RGS7: variants seen among roughly 807,000 people sequenced by gnomAD.
RGS7 encodes the protein regulator of G-protein signaling 7.
Under a neutral mutation model 81.1 loss-of-function variants are expected in RGS7, and 27 were observed. That is an observed-to-expected ratio of 0.33 (90% CI 0.25 to 0.46). RGS7 has a LOEUF of 0.46. Ranked by LOEUF, RGS7 falls within the 20% of genes least tolerant of loss-of-function variation. The pLI is 1.00. For missense variants in RGS7, 396 were observed against 607.4 expected (o/e 0.65, Z 3.66); for synonymous variants, 208 against 207.7 (o/e 1.00, Z -0.01).
At chr1:240,781,331 C>T (rs1416729526) in intron 18 of RGS7, among the ~76,000 whole-genome samples, 4 of 152,220 alleles carry the variant, frequency 2.6e-5, no homozygotes, top group Non-Finnish European at 5.9e-5. Context: ...GTGGACCAGG[C>T]GAGGTGGCTC....
At position 240,776,191 on chromosome 1, in the gene RGS7, C is replaced by T; in HGVS notation, c.*29G>A. Reference sequence around the variant, plus strand: ...GTAAGACTGAGCAAGGCTTGTTAACCTCTTGGACGTGAGAGATTTCCCCTG... The same window carrying T: ...GTAAGACTGAGCAAGGCTTGTTAACTTCTTGGACGTGAGAGATTTCCCCTG... On this transcript the variant is annotated 3_prime_UTR_variant, in exon 19 of 19. Coordinates refer to ENST00000440928, the MANE Select transcript of RGS7 (RefSeq NM_001364886.1). 1 of 1,611,956 alleles carries T rather than the reference C, an allele frequency of 6.2e-7. No homozygotes were observed. Among genetic ancestry groups the T allele is most frequent in the African/African-American group, 1.3e-5 (1 of 74,942 alleles).
At chr1:240,983,371 T>C (rs1027102021) in intron 3 of RGS7, among the ~76,000 whole-genome samples, 1 of 152,150 alleles carries the variant, frequency 6.6e-6, no homozygotes, top group Non-Finnish European at 1.5e-5. Flanking sequence ...TAAATGGAAA[T>C]AAAATTTACT....
At chr1:241,317,403 G>A (rs2080946159) in intron 2 of RGS7, among the ~76,000 whole-genome samples, 1 of 152,214 alleles carries the variant, frequency 6.6e-6, no homozygotes, top group South Asian at 2.1e-4. Context: ...CACCATTGTA[G>A]CTTGGTCTCC....
intron 4 of RGS7, among the ~76,000 whole-genome samples, chr1:240,963,552 G>C (rs1681805346): frequency 6.6e-6 from 1 of 152,056 alleles, no homozygotes; most frequent in Non-Finnish European, 1.5e-5. Flanking sequence ...CTGCAGTGAG[G>C]CCAAATTGAG....
intron 2 of RGS7, among the ~76,000 whole-genome samples, chr1:241,284,246 A>G (rs958309071): frequency 6.6e-6 from 1 of 152,150 alleles, no homozygotes; most frequent in East Asian, 1.9e-4. Flanking sequence ...TGAAACTTTG[A>G]AACTTATTTG....
intron 18 of RGS7, among the ~76,000 whole-genome samples, chr1:240,777,188 A>G (rs1314510999): frequency 2.0e-5 from 3 of 152,056 alleles, no homozygotes; most frequent in African/African-American, 7.2e-5. Context: ...CCAGCTACTC[A>G]GGAGAATCAC....
chr1:240,934,101 C>T (rs566872195), intron 5 of RGS7, among the ~76,000 whole-genome samples: 2 of 152,194 alleles, frequency 1.3e-5, no homozygotes, highest in African/African-American at 2.4e-5. Context: ...GTAGCTGGGA[C>T]TACAGGCACG....
chr1:241,039,046 A>G (rs2060474854), intron 3 of RGS7, among the ~76,000 whole-genome samples: 1 of 152,156 alleles, frequency 6.6e-6, no homozygotes, highest in Non-Finnish European at 1.5e-5. Context: ...AGAATGTACC[A>G]CAATGCCCAC....
chr1:241,241,981 G>T (rs888728841), intron 2 of RGS7, among the ~76,000 whole-genome samples: 18 of 151,110 alleles, frequency 1.2e-4, no homozygotes, highest in African/African-American at 4.4e-4. Context: ...TAGGTTTTGG[G>T]AAACAGGTGG....
At chr1:241,096,263 T>C (rs2459949) in intron 3 of RGS7, among the ~76,000 whole-genome samples, 3,917 of 152,092 alleles carry the variant, frequency 0.026, 176 homozygotes, top group African/African-American at 0.089. Context: ...CACAAAAGAA[T>C]AGAGGAATTA....
At chr1:241,084,935 G>C (rs1225501312) in intron 3 of RGS7, among the ~76,000 whole-genome samples, 1 of 152,212 alleles carries the variant, frequency 6.6e-6, no homozygotes, top group African/African-American at 2.4e-5. Flanking sequence ...ATTAGTTCAG[G>C]AAGTTCCATC....
intron 2 of RGS7, among the ~76,000 whole-genome samples, chr1:241,119,401 A>G (rs1047520353): frequency 4.6e-5 from 7 of 152,206 alleles, no homozygotes; most frequent in African/African-American, 1.7e-4. Flanking sequence ...CTTATCAAAC[A>G]ATGAATGATA....
In RGS7 at chr1:240,871,705, A is replaced by ATTC. The variant is rs1182639861; in HGVS notation, c.386-1587_386-1586insGAA. Reference sequence around the variant, plus strand: ...TATAGACGCCACTGTGACTTGAATAAAATATCTAAAATGTTCTAAGCAGTT... The same window carrying ATTC: ...TATAGACGCCACTGTGACTTGAATAATTCAATATCTAAAATGTTCTAAGCAGTT... On this transcript the variant is annotated intron_variant, in intron 6 of 18. Coordinates refer to ENST00000440928, the MANE Select transcript of RGS7 (RefSeq NM_001364886.1). 2.0e-5 allele frequency among the ~76,000 whole-genome samples: 3 copies of ATTC among 152,236 alleles called. No homozygotes were observed. In the East Asian group the frequency reaches 5.8e-4, roughly 29 times the overall value.
chr1:241,302,588 C>T (rs2079837317), intron 2 of RGS7, among the ~76,000 whole-genome samples: 1 of 152,064 alleles, frequency 6.6e-6, no homozygotes, highest in African/African-American at 2.4e-5. Flanking sequence ...TTGGCTTCTA[C>T]TCAGATAGGG....
intron 2 of RGS7, among the ~76,000 whole-genome samples, chr1:241,280,656 C>A (rs2078450406): frequency 6.6e-6 from 1 of 152,178 alleles, no homozygotes; most frequent in Admixed American, 6.5e-5. Flanking sequence ...CATCACCATG[C>A]TCGGCTATTT....
At chr1:241,083,177 G>T (rs547335677) in intron 3 of RGS7, among the ~76,000 whole-genome samples, 1 of 139,438 alleles carries the variant, frequency 7.2e-6, no homozygotes, top group African/African-American at 2.7e-5. Context: ...AGTGAGCCAA[G>T]ATCATGACAC....
intron 2 of RGS7, among the ~76,000 whole-genome samples, chr1:241,307,097 T>G (rs947991949): frequency 2.6e-5 from 4 of 152,228 alleles, no homozygotes; most frequent in Admixed American, 2.6e-4. Flanking sequence ...GGTTTAGATA[T>G]TTTTCCAGCT....
At chr1:240,885,026 AGCATCTAT>A (rs1185410826) in intron 6 of RGS7, among the ~76,000 whole-genome samples, 1 of 152,264 alleles carries the variant, frequency 6.6e-6, no homozygotes, top group Non-Finnish European at 1.5e-5. Flanking sequence ...TCTACTATCC[AGCATCTAT>A]AAGGAACTTA....
At chr1:240,814,815 G>T in intron 11 of RGS7, 38 bp from the exon 12 acceptor site, 1 of 1,290,794 alleles carries the variant, frequency 7.7e-7, no homozygotes. Flanking sequence ...CATAAGTAAT[G>T]ACATTTTCAC....
Sources: allele counts gnomAD v4.1 joint callset (sites outside exome capture counted in the v4.1 genomes callset), GRCh38; gene constraint gnomAD v4.1.1; transcripts MANE v1.5; gene names NCBI Gene and HGNC (gene_info 2026-07-23, HGNC 2026-07-21).